SLC5A10: variants seen among roughly 807,000 people sequenced by gnomAD.
SLC5A10 encodes solute carrier family 5 member 10.
Under a neutral mutation model 68.9 loss-of-function variants are expected in SLC5A10, and 55 were observed. The ratio of observed to expected loss-of-function variants is 0.80; its 90% CI spans 0.64 to 1.00. SLC5A10 has a LOEUF of 1.00. SLC5A10 is among the 50% of genes least tolerant of loss of function. The probability of loss-of-function intolerance (pLI) is 0.00; values close to 1 mark genes in which losing one functional copy is unlikely to be tolerated. For synonymous variants in SLC5A10, 344 were observed against 344.8 expected (o/e 1.00, Z 0.02); for missense variants, 732 against 819.3 (o/e 0.89, Z 1.30).
At chr17:18,961,576 C>T (rs1028498849) in intron 5 of SLC5A10, among the ~76,000 whole-genome samples, 2 of 152,192 alleles carry the variant, frequency 1.3e-5, no homozygotes, top group Non-Finnish European at 2.9e-5. Context: ...CAAATGGCCT[C>T]CTGGGCCCTC....
At chr17:18,952,730 GC>G (rs1192946565) in intron 1 of SLC5A10, among the ~76,000 whole-genome samples, 1 of 148,578 alleles carries the variant, frequency 6.7e-6, no homozygotes, top group Non-Finnish European at 1.5e-5. Context: ...GGCAGGGAGG[GC>G]CCTGGGAACT....
chr17:18,978,741 T>A (rs759719309), intron 9 of SLC5A10: 2 of 1,612,986 alleles, frequency 1.2e-6, no homozygotes, highest in Non-Finnish European at 1.7e-6. Context: ...AGGCTCACAC[T>A]GTGTGACATG....
chr17:18,958,531 A>T, intron 1 of SLC5A10, 151 bp from the exon 2 acceptor site: 1 of 601,838 alleles, frequency 1.7e-6, no homozygotes, highest in Non-Finnish European at 3.0e-6. Context: ...TGTGTTTTCA[A>T]TTCTTTTGGA....
chr17:18,977,846 CG>C, intron 9 of SLC5A10: 2 of 1,610,830 alleles, frequency 1.2e-6, no homozygotes, highest in Non-Finnish European at 1.7e-6. Flanking sequence ...TGAGGGCCGT[CG>C]GGGGCCAGGG....
rs1353155845 is a variant in SLC5A10 at position 19,000,720 on chromosome 17, T to C, written c.983-12690T>C. Among the ~76,000 whole-genome samples, 5 of 152,144 alleles carry C rather than the reference T, an allele frequency of 3.3e-5. No individual in the cohort carries two copies. The highest frequency in any genetic ancestry group is 7.4e-5 in the Non-Finnish European group (5 of 67,994). On this transcript the variant is annotated intron_variant, in intron 9 of 14. Coordinates refer to ENST00000395645, the MANE Select transcript of SLC5A10 (RefSeq NM_001042450.4). This position sits in a 1 kb window ranked among gnomAD's most constrained non-coding sequence, Gnocchi z 5.2. ...GGCCCAGGCAGAGGGATCCCCATCCTAGGCAGGGGGCAGGCAGAGTTCTCC... is the reference window on the plus strand; with the variant it reads ...GGCCCAGGCAGAGGGATCCCCATCCCAGGCAGGGGGCAGGCAGAGTTCTCC...
chr17:18,981,249 G>A (rs1362012551), intron 9 of SLC5A10, among the ~76,000 whole-genome samples: 7 of 152,168 alleles, frequency 4.6e-5, no homozygotes, highest in Non-Finnish European at 8.8e-5. Context: ...ACAGGGGGAG[G>A]TGGGGAAGCA....
At chr17:19,012,979 G>C (rs2044047764) in intron 9 of SLC5A10, among the ~76,000 whole-genome samples, 1 of 152,216 alleles carries the variant, frequency 6.6e-6, no homozygotes, top group Non-Finnish European at 1.5e-5. Flanking sequence ...TTGTCGCTGA[G>C]TGAACACAAA....
chr17:19,006,564 A>G (rs1296525529), intron 9 of SLC5A10, among the ~76,000 whole-genome samples: 1 of 152,006 alleles, frequency 6.6e-6, no homozygotes, highest in African/African-American at 2.4e-5. Flanking sequence ...ACATGCACTC[A>G]TTTATGTGTG....
Position 19,019,509 on chromosome 17 carries a change from T to C in SLC5A10, c.1328T>C (p.Met443Thr). Residue 443 changes from methionine to threonine, a missense_variant, in exon 12 of 15, where the codon ATG (methionine) becomes ACG (threonine). Met to Thr is a moderately conservative substitution (Grantham distance 81). Coordinates refer to ENST00000395645, the MANE Select transcript of SLC5A10 (RefSeq NM_001042450.4). ...AACAGCGGGCAACTCTTCATCTACATGCAGTCAGTGACCAGCTCCCTGGCC... is the reference window on the plus strand; with the variant it reads ...AACAGCGGGCAACTCTTCATCTACACGCAGTCAGTGACCAGCTCCCTGGCC... ...DSNSGQLFIY[M>T]QSVTSSLAPP... is the part of the protein sequence containing the mutation. 1 of 1,612,552 alleles carries C rather than the reference T, an allele frequency of 6.2e-7. No individual in the cohort carries two copies. Among genetic ancestry groups the C allele is most frequent in the Non-Finnish European group, 8.5e-7 (1 of 1,179,948 alleles).
intron 1 of SLC5A10, among the ~76,000 whole-genome samples, chr17:18,958,337 G>A (rs984634888): frequency 6.6e-6 from 1 of 152,194 alleles, no homozygotes; most frequent in African/African-American, 2.4e-5. Flanking sequence ...TGGGATTACA[G>A]GCATGAGCTA....
chr17:18,976,518 A>C, intron 8 of SLC5A10: 1 of 292,148 alleles, frequency 3.4e-6, no homozygotes, highest in Admixed American at 4.6e-5. Flanking sequence ...GTAGGGGTGT[A>C]TGTCCCCATA....
chr17:18,981,519 A>G (rs933171535), intron 9 of SLC5A10, among the ~76,000 whole-genome samples: 1 of 152,040 alleles, frequency 6.6e-6, no homozygotes, highest in African/African-American at 2.4e-5. Flanking sequence ...GGTGAATGCT[A>G]TGGGAGAGGA....
At chr17:18,963,136 T>C (rs1478677416) in intron 5 of SLC5A10, among the ~76,000 whole-genome samples, 1 of 152,096 alleles carries the variant, frequency 6.6e-6, no homozygotes, top group East Asian at 1.9e-4. Context: ...TTACTTGAAC[T>C]GGGGAGATGG....
At position 19,018,551 on chromosome 17, in the gene SLC5A10, T is replaced by A. The variant is rs1168217826; in HGVS notation, c.1242-872T>A. Reference sequence around the variant, plus strand: ...CCGAGTTGGGGATCCTAGGGTAGTGTCCTACGCAGGTGAGCACCTCACCAG... The same window carrying A: ...CCGAGTTGGGGATCCTAGGGTAGTGACCTACGCAGGTGAGCACCTCACCAG... On this transcript the variant is annotated intron_variant, in intron 11 of 14. Transcript: ENST00000395645. This position sits in a 1 kb window ranked among gnomAD's most constrained non-coding sequence, Gnocchi z 4.2. The A allele has an allele frequency of 6.6e-6, 1 of 152,260 alleles. No individual in the cohort carries two copies. Among genetic ancestry groups the A allele is most frequent in the Non-Finnish European group, 1.5e-5 (1 of 68,078 alleles). 9.4% of individuals were successfully genotyped at this position (152,260 alleles called of 1,614,324 possible).
At chr17:18,986,551 C>T (rs1023649383) in intron 9 of SLC5A10, among the ~76,000 whole-genome samples, 4 of 152,208 alleles carry the variant, frequency 2.6e-5, no homozygotes, top group African/African-American at 9.6e-5. Context: ...CCTTCAGGCC[C>T]AGGCACTCCA....
rs12450520 is a variant in SLC5A10, at chr17:18,961,936, A to G, written c.453+1284A>G. 4.1e-3 allele frequency among the ~76,000 whole-genome samples: 618 copies of G among 152,326 alleles called. 3 individuals carry two copies. Among genetic ancestry groups the G allele is most frequent in the Admixed American group, 0.014 (217 of 15,302 alleles). On this transcript the variant is annotated intron_variant, in intron 5 of 14. Coordinates refer to ENST00000395645, the MANE Select transcript of SLC5A10 (RefSeq NM_001042450.4). ...TGGCCAGCAGCAAACCCCGTACCGC[A>G]GTCTTCGCCAGATGCCCTTGGCGTA...
chr17:19,022,063 T>C lies in SLC5A10; in HGVS notation c.*1632T>C, dbSNP rs535140009. ...TCTGGGCGCTCCAGGACCTCAATGA[T>C]GTCGCCACGGCGGAAGCTGAGCTGC... On this transcript the variant is annotated 3_prime_UTR_variant, in exon 15 of 15. Coordinates refer to ENST00000395645, the MANE Select transcript of SLC5A10 (RefSeq NM_001042450.4). The C allele has an allele frequency of 1.9e-6, 3 of 1,594,718 alleles. No individual in the cohort carries two copies. In the South Asian group the frequency reaches 3.4e-5, roughly 18 times the overall value.
At position 18,968,183 on chromosome 17, in the gene SLC5A10, T is replaced by G. The variant is rs2042750538; in HGVS notation, c.454-869T>G. 6.6e-6 allele frequency among the ~76,000 whole-genome samples: 1 copy of G among 152,100 alleles called. No homozygotes were observed. Among genetic ancestry groups the G allele is most frequent in the African/African-American group, 2.4e-5 (1 of 41,426 alleles). ...GCCTCGTGCAGATGTGTCCCCACAC[T>G]AGGAAGCACAGGGCCCCAGCCTTCT... is the stretch of plus-strand genomic sequence containing the variant. On this transcript the variant is annotated intron_variant, in intron 5 of 14. Transcript: ENST00000395645. This position sits in a 1 kb window ranked among gnomAD's most constrained non-coding sequence, Gnocchi z 4.1.
At chr17:18,958,504 A>C (rs1015706184) in intron 1 of SLC5A10, among the ~76,000 whole-genome samples, 178 bp from the exon 2 acceptor site, 19 of 152,168 alleles carry the variant, frequency 1.2e-4, no homozygotes, top group African/African-American at 4.6e-4. Flanking sequence ...ATTCGTGTAC[A>C]AGTTTCTGAG....
Sources: gnomAD v4.1 joint callset for allele counts (sites outside exome capture counted in the v4.1 genomes callset) on GRCh38, gnomAD v4.1.1 for gene constraint, Gnocchi (gnomAD v3.1) non-coding constraint, MANE v1.5 for transcripts, NCBI Gene and HGNC (gene_info 2026-07-23, HGNC 2026-07-21) for gene names.